FHIP2A: variants seen among roughly 807,000 people sequenced by gnomAD.
The protein encoded by FHIP2A is FHF complex subunit HOOK interacting protein 2A, also known as family with sequence similarity 160 member B1.
A neutral mutation model predicts 93.5 loss-of-function variants in FHIP2A; 46 were observed. The observed-to-expected ratio is 0.49, with a 90% CI of 0.39 to 0.63. The LOEUF (loss-of-function observed/expected upper bound fraction) is 0.63, where lower values mean the gene tolerates loss of function less well. FHIP2A is among the 20% of genes least tolerant of loss of function. The pLI, the probability that FHIP2A is intolerant of heterozygous loss-of-function variation, is 0.00. For synonymous variants in FHIP2A, 332 were observed against 326.5 expected (o/e 1.02, Z -0.18); for missense variants, 769 against 909.7 (o/e 0.85, Z 1.99).
intron 4 of FHIP2A, 116 bp downstream of exon 4, chr10:114,835,757 A>G (rs2083633594): frequency 4.6e-6 from 3 of 653,604 alleles, no homozygotes; most frequent in Non-Finnish European, 7.4e-6. Flanking sequence ...TTAACATGCA[A>G]GTTAGCAAAT....
Position 114,846,748 on chromosome 10 carries a change from C to A in FHIP2A, c.1568+20C>A. The A allele has an allele frequency of 6.4e-7, 1 of 1,568,162 alleles. No homozygotes were observed. The highest frequency in any genetic ancestry group is 8.6e-7 in the Non-Finnish European group (1 of 1,161,866). ...AGCAGTGTAAGTTTCCATCCAACTC[C>A]GTGAGTTCAGCATTTCATGTAGAGA... On this transcript the variant is annotated intron_variant, in intron 11 of 16. Coordinates refer to ENST00000369248, the MANE Select transcript of FHIP2A (RefSeq NM_020940.4).
chr10:114,863,457 C>A lies in FHIP2A; in HGVS notation c.*1917C>A. ...TTTTATCCTTGATTCCACTATGGGA[C>A]CTTATAACTAGTCCATGAAACCAAG... On this transcript the variant is annotated 3_prime_UTR_variant, in exon 17 of 17. Transcript: ENST00000369248. 5.4e-6 allele frequency: 6 copies of A among 1,111,820 alleles called. No homozygotes were observed. Among genetic ancestry groups the A allele is most frequent in the Non-Finnish European group, 6.6e-6 (6 of 904,224 alleles). 68.9% of individuals were successfully genotyped at this position (1,111,820 alleles called of 1,614,324 possible). A position where few individuals can be genotyped will look rare whatever the true frequency, so the allele number is the denominator to read the frequency against.
At position 114,878,743 on chromosome 10, in the gene FHIP2A, G is replaced by A. The variant is rs146191206; in HGVS notation, c.2192+17409G>A. On this transcript the variant is annotated intron_variant, in intron 16 of 16. Coordinates refer to the FHIP2A transcript ENST00000369250. ...TGCAGTGAGCTGAGATTGTGCCACT[G>A]CACTCCAGCCTGGGTGACAGAGACT... Among the ~76,000 whole-genome samples the A allele has an allele frequency of 7.6e-3, 1,111 of 146,674 alleles. 24 individuals carry two copies. Among genetic ancestry groups the A allele is most frequent in the African/African-American group, 0.026 (1,057 of 40,002 alleles).
intron 1 of FHIP2A, among the ~76,000 whole-genome samples, chr10:114,822,765 C>T (rs1380332608): frequency 6.6e-6 from 1 of 152,150 alleles, no homozygotes; most frequent in African/African-American, 2.4e-5. Flanking sequence ...AGGGTCCAGT[C>T]GAGTTTGCTT....
rs1446814556 is a variant in FHIP2A, at chr10:114,855,179, A to G, written c.1804-18A>G. On this transcript the variant is annotated intron_variant, in intron 13 of 16. Coordinates refer to ENST00000369248, the MANE Select transcript of FHIP2A (RefSeq NM_020940.4). ...TTGTTTTTGTTCTTTAATGATTCAC[A>G]TGCTTTTTTCCCCCTAGTTCCGAGA... The G allele has an allele frequency of 1.3e-6, 2 of 1,594,938 alleles. No individual in the cohort carries two copies. The highest frequency in any genetic ancestry group is 1.7e-6 in the Non-Finnish European group (2 of 1,172,438).
intron 16 of FHIP2A, among the ~76,000 whole-genome samples, chr10:114,875,947 CAGAA>C (rs1231693812): frequency 7.3e-5 from 9 of 122,462 alleles, no homozygotes; most frequent in Non-Finnish European, 1.5e-4. Context: ...AGAAAAAGAA[CAGAA>C]AGAAAGGAAA....
intron 12 of FHIP2A, 25 bp downstream of exon 12, chr10:114,847,258 T>G (rs2083707043): frequency 6.3e-7 from 1 of 1,584,314 alleles, no homozygotes; most frequent in African/African-American, 1.4e-5. Context: ...AAAATTTGAC[T>G]TCCATCTCTC....
intron 16 of FHIP2A, among the ~76,000 whole-genome samples, chr10:114,897,892 A>G (rs2084008631): frequency 6.6e-6 from 1 of 152,190 alleles, no homozygotes; most frequent in Non-Finnish European, 1.5e-5. Flanking sequence ...CTGGATGACA[A>G]GACTCTATCT....
Position 114,863,434 on chromosome 10 carries a change from T to G in FHIP2A, c.*1894T>G, listed in dbSNP as rs2083812217. 2 of 1,076,302 alleles carry G rather than the reference T, an allele frequency of 1.9e-6. No individual in the cohort carries two copies. The highest frequency in any genetic ancestry group is 2.5e-5 in the South Asian group (1 of 39,902). The allele number at this position is 1,076,302 out of a possible 1,614,324, so 66.7% of individuals were successfully genotyped here. ...ATTACCTCTGAAACCAAATACTCTTTTATCCTTGATTCCACTATGGGACCT... is the reference window on the plus strand; with the variant it reads ...ATTACCTCTGAAACCAAATACTCTTGTATCCTTGATTCCACTATGGGACCT... On this transcript the variant is annotated 3_prime_UTR_variant, in exon 17 of 17. Coordinates refer to ENST00000369248, the MANE Select transcript of FHIP2A (RefSeq NM_020940.4).
chr10:114,864,803 C>A, downstream of FHIP2A: 1 of 541,064 alleles, frequency 1.8e-6, no homozygotes, highest in Non-Finnish European at 2.4e-6. Context: ...GCACCCCCAG[C>A]ACACAAAGGG....
At chr10:114,892,471 C>G (rs1372561730) in intron 16 of FHIP2A, among the ~76,000 whole-genome samples, 2 of 152,076 alleles carry the variant, frequency 1.3e-5, no homozygotes, top group Non-Finnish European at 2.9e-5. Context: ...TACCCCATCT[C>G]TACTAAAACC....
At chr10:114,871,313 T>TG (rs1284384671) in intron 16 of FHIP2A, among the ~76,000 whole-genome samples, 2 of 152,010 alleles carry the variant, frequency 1.3e-5, no homozygotes, top group East Asian at 3.9e-4. Flanking sequence ...CCACTGAGCC[T>TG]GGCTAGGCTC....
Position 114,864,543 on chromosome 10 carries a change from A to G in FHIP2A, c.*3003A>G, listed in dbSNP as rs567951566. 5.1e-6 allele frequency: 5 copies of G among 985,808 alleles called. No individual in the cohort carries two copies. Among genetic ancestry groups the G allele is most frequent in the Non-Finnish European group, 6.0e-6 (5 of 829,930 alleles). 61.1% of individuals were successfully genotyped at this position (985,808 alleles called of 1,614,324 possible). The stretch of plus-strand genomic sequence containing the variant: ...ATTGAAAGTTGTGTAGGTTACTGAC[A>G]GTGTTACCAGCGTCTGGAATTCTTG... On this transcript the variant is annotated 3_prime_UTR_variant, in exon 17 of 17. Coordinates refer to ENST00000369248, the MANE Select transcript of FHIP2A (RefSeq NM_020940.4).
intron 5 of FHIP2A, among the ~76,000 whole-genome samples, chr10:114,841,998 A>G (rs1006648417): frequency 1.3e-5 from 2 of 152,104 alleles, no homozygotes; most frequent in Admixed American, 6.6e-5. Flanking sequence ...ATTTCAAGCA[A>G]ATCTTATTTC....
intron 16 of FHIP2A, among the ~76,000 whole-genome samples, chr10:114,888,728 A>C (rs1383120637): frequency 2.0e-5 from 3 of 152,068 alleles, no homozygotes; most frequent in African/African-American, 7.2e-5. Flanking sequence ...TCAGTCGCCC[A>C]AGTAGCTGGG....
intron 16 of FHIP2A, among the ~76,000 whole-genome samples, chr10:114,883,655 C>T (rs1420783506): frequency 1.3e-5 from 2 of 152,192 alleles, no homozygotes; most frequent in African/African-American, 4.8e-5. Flanking sequence ...GATCTCAGCT[C>T]ACTGCAACCT....
chr10:114,847,158 T>G lies in FHIP2A; in HGVS notation c.1637T>G (p.Leu546Arg). Residue 546 changes from leucine (L) to arginine (R), a missense_variant, in exon 12 of 17, where the codon CTT becomes CGT. Physicochemically the swap from Leu to Arg is moderately radical, Grantham distance 102 (BLOSUM62 -2). Transcript: ENST00000369248. ...PENTLPNQEW[L>R]SSSPPATPDH... ...AACACTTTGCCAAACCAAGAGTGGC[T>G]TAGTTCTTCACCTCCTGCTACTCCA... The G allele has an allele frequency of 6.2e-7, 1 of 1,613,446 alleles. No individual in the cohort carries two copies. The highest frequency in any genetic ancestry group is 1.3e-5 in the African/African-American group (1 of 75,038).
chr10:114,862,123 A>G lies in FHIP2A; in HGVS notation c.*583A>G. On this transcript the variant is annotated 3_prime_UTR_variant, in exon 17 of 17. Coordinates refer to ENST00000369248, the MANE Select transcript of FHIP2A (RefSeq NM_020940.4). Reference sequence around the variant, plus strand: ...TTAACTTTCTTCAGCTTTTTTAAGAATAACAATTTAATATGATAAATTCTT... The same window carrying G: ...TTAACTTTCTTCAGCTTTTTTAAGAGTAACAATTTAATATGATAAATTCTT... The G allele has an allele frequency of 1.1e-6, 1 of 921,380 alleles. No individual in the cohort carries two copies. The highest frequency in any genetic ancestry group is 1.3e-6 in the Non-Finnish European group (1 of 771,374). The allele number at this position is 921,380 out of a possible 1,614,324, so 57.1% of individuals were successfully genotyped here. A position where few individuals can be genotyped will look rare whatever the true frequency, so the allele number is the denominator to read the frequency against.
At chr10:114,870,864 C>T (rs1305108924) in intron 16 of FHIP2A, among the ~76,000 whole-genome samples, 8 of 152,066 alleles carry the variant, frequency 5.3e-5, no homozygotes, top group Admixed American at 5.2e-4. Context: ...AACTACATTT[C>T]TCCTTTGCTA....
Sources: gnomAD v4.1 joint callset for allele counts (sites outside exome capture counted in the v4.1 genomes callset) on GRCh38, gnomAD v4.1.1 for gene constraint, MANE v1.5 for transcripts, NCBI Gene and HGNC (gene_info 2026-07-23, HGNC 2026-07-21) for gene names.